Variants in PDZRN3 observed in about 807,000 individuals in gnomAD.
The protein encoded by PDZRN3 is E3 ubiquitin-protein ligase PDZRN3.
PDZRN3 carries 38 observed loss-of-function variants against 85.7 expected under a neutral mutation model. The ratio of observed to expected loss-of-function variants is 0.44; its 90% CI spans 0.34 to 0.58. The LOEUF (loss-of-function observed/expected upper bound fraction) is 0.58. Ranked by LOEUF, PDZRN3 falls within the 20% of genes least tolerant of loss-of-function variation. The pLI is 0.01. For missense variants in PDZRN3, 1,629 were observed against 1,506.4 expected (o/e 1.08, Z -1.35); for synonymous variants, 759 against 638.0 (o/e 1.19, Z -2.86).
At chr3:73,408,588 AG>A (rs60679218) in intron 3 of PDZRN3, among the ~76,000 whole-genome samples, 55 of 146,414 alleles carry the variant, frequency 3.8e-4, no homozygotes, top group East Asian at 1.4e-3. Context: ...TTCTTGGAGG[AG>A]GGGGGGGGGT....
chr3:73,397,370 T>G (rs1221378259), intron 5 of PDZRN3, among the ~76,000 whole-genome samples: 1 of 152,200 alleles, frequency 6.6e-6, no homozygotes, highest in African/African-American at 2.4e-5. Flanking sequence ...CTTACTTAAA[T>G]AACAGCCTGA....
chr3:73,489,274 CT>C (rs1703723648), intron 3 of PDZRN3, among the ~76,000 whole-genome samples: 1 of 152,154 alleles, frequency 6.6e-6, no homozygotes, highest in East Asian at 1.9e-4. Flanking sequence ...AAAGGAAAAG[CT>C]TTATATTTTC....
chr3:73,569,487 G>A, intron 3 of PDZRN3: 1 of 1,084,786 alleles, frequency 9.2e-7, no homozygotes, highest in Non-Finnish European at 1.1e-6. Flanking sequence ...TGCACAGAAT[G>A]CCTTTCTCCT....
intron 3 of PDZRN3, among the ~76,000 whole-genome samples, chr3:73,481,578 C>T (rs1389467030): frequency 6.6e-6 from 1 of 151,904 alleles, no homozygotes; most frequent in Non-Finnish European, 1.5e-5. Context: ...GATCTGCCCA[C>T]CTCAGCCTCC....
rs537939449 is a variant in PDZRN3 at position 73,588,039 on chromosome 3, G to A, written c.918+14315C>T. On this transcript the variant is annotated intron_variant, in intron 3 of 9. Coordinates refer to ENST00000263666, the MANE Select transcript of PDZRN3 (RefSeq NM_015009.3). ...TGTTTAATAGGTATATGTGTGCCAT[G>A]GTGGTTTGCGGCACCTGTTGACCTG... Among the ~76,000 whole-genome samples the A allele has an allele frequency of 2.3e-3, 350 of 152,284 alleles. 3 individuals are homozygous for A. Among genetic ancestry groups the A allele is most frequent in the Non-Finnish European group, 4.0e-3 (269 of 68,008 alleles).
intron 3 of PDZRN3, among the ~76,000 whole-genome samples, chr3:73,449,639 T>C (rs967904438): frequency 4.6e-5 from 7 of 152,214 alleles, no homozygotes; most frequent in African/African-American, 1.4e-4. Context: ...TAAAATTACA[T>C]AGCATTCGGT....
At chr3:73,389,901 C>T (rs781199595) in intron 6 of PDZRN3, 23 bp from the exon 7 acceptor site, 1 of 1,590,412 alleles carries the variant, frequency 6.3e-7, no homozygotes, top group Non-Finnish European at 8.6e-7. Context: ...TGGACCATCT[C>T]AGCGCAAACG....
At chr3:73,548,794 T>C (rs1171970954) in intron 3 of PDZRN3, among the ~76,000 whole-genome samples, 3 of 152,098 alleles carry the variant, frequency 2.0e-5, no homozygotes, top group African/African-American at 4.8e-5. Context: ...AGAAAATAGA[T>C]TGTCGCCAAA....
At chr3:73,519,271 G>C (rs971695023) in intron 3 of PDZRN3, among the ~76,000 whole-genome samples, 1 of 152,192 alleles carries the variant, frequency 6.6e-6, no homozygotes, top group Non-Finnish European at 1.5e-5. Flanking sequence ...GGAGGCCAGA[G>C]CATACAGCTG....
chr3:73,427,903 C>T (rs191674965), intron 3 of PDZRN3, among the ~76,000 whole-genome samples: 219 of 152,216 alleles, frequency 1.4e-3, no homozygotes, highest in Non-Finnish European at 2.9e-3. Flanking sequence ...AATACAGGAG[C>T]GGTGCACAGA....
chr3:73,388,437 T>C (rs1701446164), intron 7 of PDZRN3, among the ~76,000 whole-genome samples: 1 of 152,132 alleles, frequency 6.6e-6, no homozygotes, highest in Non-Finnish European at 1.5e-5. Flanking sequence ...GTAGACATTA[T>C]TGGATAATAT....
At chr3:73,444,937 C>T (rs533185101) in intron 3 of PDZRN3, among the ~76,000 whole-genome samples, 2 of 152,154 alleles carry the variant, frequency 1.3e-5, no homozygotes, top group African/African-American at 4.8e-5. Context: ...GGCTGTGGTG[C>T]CTAGGGAAGG....
chr3:73,424,300 G>C lies in PDZRN3; in HGVS notation c.919-19905C>G, dbSNP rs1340177935. ...TAATCCCAGCACTTTGGGAGGCCAA[G>C]GCAGGTGGATCACAAGGTTAGGAGA... On this transcript the variant is annotated intron_variant, in intron 3 of 9. Coordinates refer to ENST00000263666, the MANE Select transcript of PDZRN3 (RefSeq NM_015009.3). Among the ~76,000 whole-genome samples the C allele has an allele frequency of 2.7e-5, 4 of 148,226 alleles. No individual in the cohort carries two copies. In the Admixed American group the frequency reaches 2.7e-4, roughly 10 times the overall value.
intron 3 of PDZRN3, among the ~76,000 whole-genome samples, chr3:73,550,062 T>G (rs1390477017): frequency 6.6e-6 from 1 of 152,238 alleles, no homozygotes; most frequent in Non-Finnish European, 1.5e-5. Context: ...TTTTAATATT[T>G]GTGCCTTAAG....
At chr3:73,482,203 CTG>C (rs932560658) in intron 3 of PDZRN3, among the ~76,000 whole-genome samples, 6 of 152,208 alleles carry the variant, frequency 3.9e-5, no homozygotes, top group Non-Finnish European at 8.8e-5. Context: ...TTTCACAGAA[CTG>C]TGTCTATTTA....
chr3:73,528,320 C>T (rs756806895), intron 3 of PDZRN3, among the ~76,000 whole-genome samples: 1 of 152,140 alleles, frequency 6.6e-6, no homozygotes, highest in South Asian at 2.1e-4. Flanking sequence ...TAAGGAGTCT[C>T]GAGGCTACCA....
intron 3 of PDZRN3, among the ~76,000 whole-genome samples, chr3:73,565,153 G>T (rs907991152): frequency 7.5e-6 from 1 of 133,742 alleles, no homozygotes; most frequent in African/African-American, 3.0e-5. Context: ...TTTTGAGATG[G>T]ATTCTTACTC....
chr3:73,464,886 T>G (rs1441722507), intron 3 of PDZRN3, among the ~76,000 whole-genome samples: 1 of 152,066 alleles, frequency 6.6e-6, no homozygotes, highest in Non-Finnish European at 1.5e-5. Flanking sequence ...ACTTAAAACC[T>G]ACTCTCTTAC....
At chr3:73,479,771 C>T (rs964790203) in intron 3 of PDZRN3, among the ~76,000 whole-genome samples, 1 of 152,114 alleles carries the variant, frequency 6.6e-6, no homozygotes, top group African/African-American at 2.4e-5. Flanking sequence ...AACTCAACTC[C>T]CCTTTCACAA....
Sources: gnomAD v4.1 joint callset for allele counts (sites outside exome capture counted in the v4.1 genomes callset) on GRCh38, gnomAD v4.1.1 for gene constraint, MANE v1.5 for transcripts, NCBI Gene and HGNC (gene_info 2026-07-23, HGNC 2026-07-21) for gene names.